METTL15: variants seen among roughly 807,000 people sequenced by gnomAD.
METTL15 encodes the protein 12S rRNA N(4)-cytidine methyltransferase METTL15.
METTL15 carries 34 observed loss-of-function variants against 38.3 expected under a neutral mutation model. The observed-to-expected ratio is 0.89, with a 90% CI of 0.68 to 1.18. The LOEUF is 1.18. METTL15 is among the 50% of genes most tolerant of loss of function. The probability of loss-of-function intolerance (pLI) is 0.00; values close to 1 mark genes in which losing one functional copy is unlikely to be tolerated. For missense variants in METTL15, 438 were observed against 498.4 expected (o/e 0.88, Z 1.15); for synonymous variants, 162 against 170.9 (o/e 0.95, Z 0.41).
intron 4 of METTL15, among the ~76,000 whole-genome samples, chr11:28,231,966 T>C (rs892991900): frequency 6.6e-6 from 1 of 151,922 alleles, no homozygotes; most frequent in African/African-American, 2.4e-5. Context: ...GATGGATGGC[T>C]AGATGAATAA....
intron 5 of METTL15, among the ~76,000 whole-genome samples, chr11:28,386,057 A>C (rs1850437447): frequency 1.3e-5 from 2 of 152,124 alleles, no homozygotes; most frequent in Admixed American, 6.5e-5. Context: ...GATTATAACT[A>C]TGAAATGTTT....
intron 5 of METTL15, among the ~76,000 whole-genome samples, chr11:28,364,611 A>G (rs1226994139): frequency 6.6e-6 from 1 of 152,186 alleles, no homozygotes; most frequent in Non-Finnish European, 1.5e-5. Flanking sequence ...TAGGTATAGA[A>G]TCATATCATC....
At chr11:28,142,007 G>A (rs1285672315) in intron 3 of METTL15, among the ~76,000 whole-genome samples, 1 of 152,218 alleles carries the variant, frequency 6.6e-6, no homozygotes, top group Non-Finnish European at 1.5e-5. Flanking sequence ...GAGGTTAGAA[G>A]TGAGATGAAG....
intron 6 of METTL15, among the ~76,000 whole-genome samples, chr11:28,455,997 C>T (rs774614636): frequency 5.3e-5 from 8 of 152,036 alleles, no homozygotes; most frequent in Non-Finnish European, 1.0e-4. Context: ...TGAGCCACCG[C>T]GCCTGGCCTA....
chr11:28,265,697 A>G (rs563664612), intron 4 of METTL15, among the ~76,000 whole-genome samples: 1 of 152,258 alleles, frequency 6.6e-6, no homozygotes, highest in East Asian at 1.9e-4. Flanking sequence ...ATCAAGTTGA[A>G]TGATTTCGTG....
At chr11:28,347,557 A>G (rs889300028) in intron 3 of METTL15, among the ~76,000 whole-genome samples, 1 of 152,202 alleles carries the variant, frequency 6.6e-6, no homozygotes, top group Admixed American at 6.5e-5. Flanking sequence ...CTAACCCATC[A>G]ACGCTAATGT....
rs1209957411 is a variant in METTL15, at chr11:28,330,801, G to A, written c.1184G>A (p.Arg395Lys). The A allele has an allele frequency of 1.9e-6, 3 of 1,551,224 alleles. No individual in the cohort carries two copies. In the African/African-American group the frequency reaches 4.1e-5, roughly 21 times the overall value. ...GATCAGGATGTACAAGATAACCCCA[G>A]AGGGCGCTCAGCCAAGCTTAGAGCA... ...PQDQDVQDNPRGRSAKLRAAI... is the reference protein window; with the variant it reads ...PQDQDVQDNPKGRSAKLRAAI... Residue 395 changes from arginine (R) to lysine (K), a missense_variant, in exon 7 of 7, where the codon AGA (arginine) becomes AAA (lysine). Transcript: ENST00000407364.
intron 4 of METTL15, among the ~76,000 whole-genome samples, chr11:28,277,326 A>G (rs1307259871): frequency 6.6e-6 from 1 of 152,336 alleles, no homozygotes; most frequent in South Asian, 2.1e-4. Flanking sequence ...TATGGAATCA[A>G]TCTAAGTGTT....
intron 3 of METTL15, among the ~76,000 whole-genome samples, chr11:28,342,917 GATT>G (rs1470350114): frequency 2.0e-5 from 3 of 152,158 alleles, no homozygotes; most frequent in Non-Finnish European, 4.4e-5. Context: ...TTTTGAAAGA[GATT>G]ATTTGACTCA....
chr11:28,333,639 T>G (rs1213806938), downstream of METTL15: 2 of 152,010 alleles, frequency 1.3e-5, no homozygotes, highest in Non-Finnish European at 1.5e-5. Context: ...AATATCCCTA[T>G]TTTTATTTTA....
intron 6 of METTL15, among the ~76,000 whole-genome samples, chr11:28,512,829 G>C (rs1254880767): frequency 1.3e-5 from 2 of 152,242 alleles, no homozygotes; most frequent in Admixed American, 1.3e-4. Flanking sequence ...CAAAGTGGGA[G>C]CCCAGGCAGA....
At chr11:28,208,698 T>C (rs1852481612) in intron 3 of METTL15, among the ~76,000 whole-genome samples, 1 of 152,142 alleles carries the variant, frequency 6.6e-6, no homozygotes, top group Admixed American at 6.6e-5. Context: ...CTGTCTAATG[T>C]TGACTGTGGG....
intron 5 of METTL15, among the ~76,000 whole-genome samples, chr11:28,387,990 A>C (rs1050485627): frequency 2.0e-5 from 3 of 152,100 alleles, no homozygotes; most frequent in Non-Finnish European, 2.9e-5. Context: ...TATTTGAGAA[A>C]ACTCAACACA....
chr11:28,147,938 G>A (rs1332510522), intron 3 of METTL15, among the ~76,000 whole-genome samples: 1 of 151,702 alleles, frequency 6.6e-6, no homozygotes, highest in Non-Finnish European at 1.5e-5. Flanking sequence ...GGGAAATGCT[G>A]GGTTACTTGG....
intron 3 of METTL15, among the ~76,000 whole-genome samples, chr11:28,156,306 T>C (rs1408007319): frequency 3.3e-5 from 5 of 152,190 alleles, no homozygotes; most frequent in African/African-American, 1.2e-4. Flanking sequence ...ACATTTTCTA[T>C]TTTTAAAACA....
At chr11:28,445,652 A>G (rs917821599) in intron 6 of METTL15, among the ~76,000 whole-genome samples, 3 of 151,940 alleles carry the variant, frequency 2.0e-5, no homozygotes, top group Non-Finnish European at 2.9e-5. Context: ...ACCAGTTATT[A>G]TATTTCATTA....
chr11:28,496,274 A>T (rs554991873), intron 6 of METTL15, among the ~76,000 whole-genome samples: 1 of 152,124 alleles, frequency 6.6e-6, no homozygotes, highest in South Asian at 2.1e-4. Flanking sequence ...GTGCAGGGGA[A>T]CTCCCATTTT....
chr11:28,522,873 C>A (rs953800338), intron 6 of METTL15, among the ~76,000 whole-genome samples: 1 of 152,160 alleles, frequency 6.6e-6, no homozygotes, highest in Non-Finnish European at 1.5e-5. Context: ...TATCAAGGAC[C>A]AAATCATCAT....
intron 3 of METTL15, among the ~76,000 whole-genome samples, chr11:28,138,020 AGG>A (rs1217394287): frequency 6.6e-6 from 1 of 152,208 alleles, no homozygotes. Context: ...TGCAGTTTCT[AGG>A]GACCAGTAAA....
Sources: allele counts gnomAD v4.1 joint callset (sites outside exome capture counted in the v4.1 genomes callset), GRCh38; gene constraint gnomAD v4.1.1; transcripts MANE v1.5; gene names NCBI Gene and HGNC (gene_info 2026-07-23, HGNC 2026-07-21).